Variants in GPC6 observed in about 807,000 individuals in gnomAD.
GPC6 encodes glypican-6.
Under a neutral mutation model 55.2 loss-of-function variants are expected in GPC6, and 14 were observed. The ratio of observed to expected loss-of-function variants is 0.25; its 90% CI spans 0.17 to 0.40. The LOEUF (loss-of-function observed/expected upper bound fraction) is 0.40. GPC6 is among the 10% of genes least tolerant of loss of function. GPC6 has a pLI of 1.00. For missense variants in GPC6, 641 were observed against 708.5 expected, an observed-to-expected ratio of 0.90 and a Z score of 1.08; for synonymous variants, 278 against 259.6, an observed-to-expected ratio of 1.07 and a Z score of -0.68.
At chr13:93,701,276 C>A (rs1373003194) in intron 2 of GPC6, among the ~76,000 whole-genome samples, 2 of 151,998 alleles carry the variant, frequency 1.3e-5, no homozygotes, top group Non-Finnish European at 2.9e-5. Context: ...GTCTAGACAA[C>A]CACAGTAAAG....
intron 4 of GPC6, among the ~76,000 whole-genome samples, chr13:94,142,835 TTTTTTTC>T (rs1887433194): frequency 6.6e-6 from 1 of 152,000 alleles, no homozygotes; most frequent in African/African-American, 2.4e-5. Flanking sequence ...CTACTTTTTT[TTTTTTTC>T]TTTTTGAGAC....
At position 93,443,734 on chromosome 13, in the gene GPC6, T is replaced by C. The variant is rs192964311; in HGVS notation, c.161-101529T>C. ...TGGGACTGTTATGTAAGGTGTCCAA[T>C]AGAAGAGAGAAGCAGGTTAGAAATC... On this transcript the variant is annotated intron_variant, in intron 1 of 8. Transcript: ENST00000377047. Among the ~76,000 whole-genome samples the C allele has an allele frequency of 3.3e-4, 51 of 152,294 alleles. 1 individual carries two copies. Among genetic ancestry groups the C allele is most frequent in the Middle Eastern group, 3.4e-3 (1 of 294 alleles).
chr13:93,390,286 G>A (rs1373249246), intron 1 of GPC6, among the ~76,000 whole-genome samples: 3 of 152,126 alleles, frequency 2.0e-5, no homozygotes, highest in Non-Finnish European at 2.9e-5. Flanking sequence ...GAGAAGGAAG[G>A]TCAAAGCACC....
chr13:93,695,137 T>G (rs949921205), intron 2 of GPC6, among the ~76,000 whole-genome samples: 19 of 152,144 alleles, frequency 1.2e-4, no homozygotes, highest in Non-Finnish European at 2.2e-4. Flanking sequence ...TAAAATTTTA[T>G]GAAATATTTA....
chr13:93,551,614 A>C (rs1027576480), intron 2 of GPC6, among the ~76,000 whole-genome samples: 2 of 152,196 alleles, frequency 1.3e-5, no homozygotes, highest in African/African-American at 4.8e-5. Flanking sequence ...AAGGTTCATA[A>C]GCCAAAGGAA....
chr13:93,475,987 C>T (rs1223138907), intron 1 of GPC6, among the ~76,000 whole-genome samples: 1 of 151,282 alleles, frequency 6.6e-6, no homozygotes. Context: ...AGAGAGTATT[C>T]CCTGTTCATG....
intron 3 of GPC6, among the ~76,000 whole-genome samples, chr13:93,937,567 A>G (rs1878498885): frequency 6.6e-6 from 1 of 152,042 alleles, no homozygotes; most frequent in Non-Finnish European, 1.5e-5. Context: ...TGTATAATAT[A>G]ATATTACTTC....
chr13:94,214,628 T>C (rs1890175028), intron 4 of GPC6, among the ~76,000 whole-genome samples: 1 of 152,180 alleles, frequency 6.6e-6, no homozygotes, highest in Non-Finnish European at 1.5e-5. Flanking sequence ...CTCTATCTAT[T>C]TACATGGATT....
chr13:93,705,200 C>G (rs1306287238), intron 2 of GPC6, among the ~76,000 whole-genome samples: 1 of 151,820 alleles, frequency 6.6e-6, no homozygotes, highest in Non-Finnish European at 1.5e-5. Context: ...ATCATGTTGT[C>G]CATACATATG....
intron 5 of GPC6, among the ~76,000 whole-genome samples, chr13:94,303,765 C>CAAAA (rs11300129): frequency 0.017 from 1,620 of 98,176 alleles, 14 homozygotes; most frequent in Middle Eastern, 0.031. Context: ...TAACTCCCTC[C>CAAAA]AAAAAAAAAA....
intron 2 of GPC6, among the ~76,000 whole-genome samples, chr13:93,790,914 T>C (rs2138922327): frequency 6.6e-6 from 1 of 152,194 alleles, no homozygotes; most frequent in South Asian, 2.1e-4. Flanking sequence ...GAAAATTAAT[T>C]CCAGGCACAG....
At chr13:93,280,188 G>T (rs769824173) in intron 1 of GPC6, among the ~76,000 whole-genome samples, 4 of 152,138 alleles carry the variant, frequency 2.6e-5, no homozygotes, top group African/African-American at 2.4e-5. Context: ...CCAGACCAAA[G>T]CTTACTTTCT....
intron 2 of GPC6, among the ~76,000 whole-genome samples, chr13:93,730,070 C>A (rs549834468): frequency 3.3e-5 from 5 of 152,166 alleles, no homozygotes; most frequent in Admixed American, 6.5e-5. Flanking sequence ...TCACACAGGC[C>A]TGCTCATTTA....
chr13:94,376,418 G>A (rs1485774548), intron 6 of GPC6, among the ~76,000 whole-genome samples: 2 of 151,616 alleles, frequency 1.3e-5, no homozygotes, highest in Non-Finnish European at 2.9e-5. Context: ...GACAAACAGA[G>A]AGCCAAATCA....
chr13:93,248,099 G>C (rs572421903), intron 1 of GPC6, among the ~76,000 whole-genome samples: 4 of 152,268 alleles, frequency 2.6e-5, no homozygotes, highest in African/African-American at 7.2e-5. Context: ...TGATTTAGGA[G>C]TGCCAATTTA....
intron 3 of GPC6, among the ~76,000 whole-genome samples, chr13:93,979,017 T>C (rs79560450): frequency 1.4e-3 from 208 of 152,270 alleles, no homozygotes; most frequent in African/African-American, 4.9e-3. Flanking sequence ...CTACTAAAGA[T>C]ATAGAATGTT....
intron 1 of GPC6, among the ~76,000 whole-genome samples, chr13:93,240,844 A>G (rs1210444746): frequency 6.6e-6 from 1 of 152,120 alleles, no homozygotes; most frequent in East Asian, 1.9e-4. Context: ...GTGGTGACAG[A>G]TTCTCTCCGA....
At position 94,110,022 on chromosome 13, in the gene GPC6, G is replaced by A. The variant is rs143945759; in HGVS notation, c.877+82128G>A. Among the ~76,000 whole-genome samples, 357 of 142,064 alleles carry A rather than the reference G, an allele frequency of 2.5e-3. 1 individual carries two copies. The highest frequency in any genetic ancestry group is 9.1e-3 in the African/African-American group (346 of 38,090). 93.2% of individuals were successfully genotyped at this position (142,064 alleles called of 152,430 possible). On this transcript the variant is annotated intron_variant, in intron 4 of 8. Transcript: ENST00000377047. ...AAAGCTTTCAAAAGTTAATTATCTT[G>A]AGTGTCCCAGATAAAAACAAATGTT...
chr13:94,122,263 G>C (rs955306194), intron 4 of GPC6, among the ~76,000 whole-genome samples: 3 of 152,080 alleles, frequency 2.0e-5, no homozygotes, highest in South Asian at 2.1e-4. Flanking sequence ...CACTTTGCAG[G>C]CTTTTCTCAT....
Sources: allele counts gnomAD v4.1 joint callset (sites outside exome capture counted in the v4.1 genomes callset), GRCh38; gene constraint gnomAD v4.1.1; transcripts MANE v1.5; gene names NCBI Gene and HGNC (gene_info 2026-07-23, HGNC 2026-07-21).